Variants in F10 observed in about 807,000 individuals in gnomAD.
F10 encodes coagulation factor X.
In F10, 29 loss-of-function variants were observed where a neutral mutation model predicts 37.1. The observed-to-expected ratio is 0.78, with a 90% confidence interval of 0.58 to 1.07. F10 has a LOEUF of 1.07. Ranked by LOEUF, F10 falls within the 50% of genes least tolerant of loss-of-function variation. The probability of loss-of-function intolerance (pLI) is 0.00; values close to 1 mark genes in which losing one functional copy is unlikely to be tolerated. For missense variants in F10, 539 were observed against 667.9 expected (o/e 0.81, Z 2.13); for synonymous variants, 262 against 268.6 (o/e 0.98, Z 0.24).
At chr13:113,124,909 C>T (rs866901816) in intron 1 of F10, among the ~76,000 whole-genome samples, 7 of 152,348 alleles carry the variant, frequency 4.6e-5, no homozygotes, top group Admixed American at 2.0e-4. Flanking sequence ...GGGGTGCCAG[C>T]GGCCTCACAG....
Position 113,149,383 on chromosome 13 carries a change from C to G in F10, c.1333C>G (p.Arg445Gly). ...CGTCAGCTGGGGAGAGGGCTGTGCC[C>G]GTAAGGGGAAGTACGGGATCTACAC... ...GIVSWGEGCA[R>G]KGKYGIYTKV... Residue 445 changes from arginine to glycine, a missense_variant, in exon 8 of 8, where the codon CGT becomes GGT. Around this residue, in one of 2 missense-constraint regions of F10, gnomAD observed 409 missense variants for 547.9 expected, o/e 0.75. Coordinates refer to ENST00000375559, the MANE Select transcript of F10 (RefSeq NM_000504.4). The surrounding 1 kb of genome is among the most constrained non-coding windows in gnomAD (Gnocchi z 7.5). 6.9e-6 allele frequency: 10 copies of G among 1,453,980 alleles called. No homozygotes were observed. Among genetic ancestry groups the G allele is most frequent in the Non-Finnish European group, 4.6e-6 (5 of 1,094,832 alleles). The allele number at this position is 1,453,980 out of a possible 1,614,324, so 90.1% of individuals were successfully genotyped here.
chr13:113,145,933 C>G (rs1030869638), intron 6 of F10, among the ~76,000 whole-genome samples: 14 of 152,174 alleles, frequency 9.2e-5, no homozygotes, highest in African/African-American at 3.4e-4. Context: ...AACCTTGTTG[C>G]TGGGCATCCT....
Position 113,143,699 on chromosome 13 carries a change from A to AAGGTGACTGTGT in F10, c.503-152_503-151insAGGTGACTGTGT. 1 of 1,203,580 alleles carries AAGGTGACTGTGT rather than the reference A, an allele frequency of 8.3e-7. No homozygotes were observed. Among genetic ancestry groups the AAGGTGACTGTGT allele is most frequent in the Non-Finnish European group, 1.2e-6 (1 of 856,670 alleles). The allele number at this position is 1,203,580 out of a possible 1,614,324, so 74.6% of individuals were successfully genotyped here. A position where few individuals can be genotyped will look rare whatever the true frequency, so the allele number is the denominator to read the frequency against. On this transcript the variant is annotated intron_variant, in intron 5 of 7. Coordinates refer to ENST00000375559, the MANE Select transcript of F10 (RefSeq NM_000504.4). This position sits in a 1 kb window ranked among gnomAD's most constrained non-coding sequence, Gnocchi z 6.8. ...CCTGCAGATCCGACCCCTGCCGACG[A>AAGGTGACTGTGT]CGTGGGGCCTCGCCCTGCAAGCCCG...
Position 113,140,705 on chromosome 13 carries a change from G to A in F10, c.371-214G>A, listed in dbSNP as rs2036519466. ...GTGAGGGGCAGGTACCTGGAGCCTG[G>A]CTTCTGGCTACACCGGGCACTGCAC... On this transcript the variant is annotated intron_variant, in intron 4 of 7. Transcript: ENST00000375559. The A allele has an allele frequency of 5.5e-6, 4 of 728,264 alleles. No homozygotes were observed. In the Admixed American group the frequency reaches 8.0e-5, roughly 15 times the overall value. The allele number at this position is 728,264 out of a possible 1,614,324, so 45.1% of individuals were successfully genotyped here.
intron 6 of F10, among the ~76,000 whole-genome samples, chr13:113,147,072 G>T (rs530205876): frequency 6.6e-6 from 1 of 152,204 alleles, no homozygotes; most frequent in Non-Finnish European, 1.5e-5. Context: ...CCACAGAGAC[G>T]GGAAAGGCTG....
chr13:113,137,902 A>G (rs2036493929), intron 2 of F10, among the ~76,000 whole-genome samples: 2 of 152,188 alleles, frequency 1.3e-5, no homozygotes, highest in Admixed American at 6.5e-5. Context: ...CCGATTTCCA[A>G]TTAAGGTTCT....
chr13:113,126,584 G>A (rs1165129329), intron 1 of F10, among the ~76,000 whole-genome samples: 2 of 152,186 alleles, frequency 1.3e-5, no homozygotes, highest in Non-Finnish European at 2.9e-5. Flanking sequence ...AACCATCACT[G>A]TGGCTCTAGG....
chr13:113,134,923 G>C (rs2036464824), intron 2 of F10, among the ~76,000 whole-genome samples: 1 of 152,092 alleles, frequency 6.6e-6, no homozygotes, highest in Admixed American at 6.6e-5. Context: ...AGTGTTCATG[G>C]ATTGAAAGAC....
At position 113,140,736 on chromosome 13, in the gene F10, G is replaced by A. The variant is rs533906332; in HGVS notation, c.371-183G>A. The A allele has an allele frequency of 4.6e-5, 39 of 852,816 alleles. No individual in the cohort carries two copies. The Admixed American group carries it at 5.4e-4, about 12-fold the overall frequency. The allele number at this position is 852,816 out of a possible 1,614,324, so 52.8% of individuals were successfully genotyped here. Reference sequence around the variant, plus strand: ...GGCTACACCGGGCACTGCACCATGAGCTCCCCGTGACCCGTGAGGTTGCCC... The same window carrying A: ...GGCTACACCGGGCACTGCACCATGAACTCCCCGTGACCCGTGAGGTTGCCC... On this transcript the variant is annotated intron_variant, in intron 4 of 7. Transcript: ENST00000375559.
chr13:113,134,999 G>C (rs1247534569), intron 2 of F10, among the ~76,000 whole-genome samples: 2 of 152,066 alleles, frequency 1.3e-5, no homozygotes, highest in Admixed American at 1.3e-4. Flanking sequence ...CCAGCACTTT[G>C]GGAGACCGAG....
At chr13:113,127,678 A>G (rs2036383355) in intron 1 of F10, among the ~76,000 whole-genome samples, 1 of 152,248 alleles carries the variant, frequency 6.6e-6, no homozygotes, top group Non-Finnish European at 1.5e-5. Context: ...AATCAAATAG[A>G]AAACTTTGTA....
At chr13:113,145,798 T>C (rs1386446685) in intron 6 of F10, among the ~76,000 whole-genome samples, 2 of 152,216 alleles carry the variant, frequency 1.3e-5, no homozygotes, top group Non-Finnish European at 2.9e-5. Flanking sequence ...ACTTATTCAC[T>C]TCCACCAGAA....
At position 113,144,400 on chromosome 13, in the gene F10, C is replaced by G. The variant is rs1213232144; in HGVS notation, c.747+305C>G. Among the ~76,000 whole-genome samples, 1 of 152,242 alleles carries G rather than the reference C, an allele frequency of 6.6e-6. No homozygotes were observed. Among genetic ancestry groups the G allele is most frequent in the African/African-American group, 2.4e-5 (1 of 41,472 alleles). On this transcript the variant is annotated intron_variant, in intron 6 of 7. Transcript: ENST00000375559. This position sits in a 1 kb window ranked among gnomAD's most constrained non-coding sequence, Gnocchi z 6.4. ...GTGGCATGCCCAGGACGATGCTGTC[C>G]TGTGAAACAGAAGAGAGGGAGAAGG...
At position 113,143,701 on chromosome 13, in the gene F10, G is replaced by GATA; in HGVS notation, c.503-150_503-149insATA. The GATA allele has an allele frequency of 1.7e-6, 2 of 1,157,490 alleles. No homozygotes were observed. Among genetic ancestry groups the GATA allele is most frequent in the Admixed American group, 2.4e-5 (1 of 41,148 alleles). The allele number at this position is 1,157,490 out of a possible 1,614,324, so 71.7% of individuals were successfully genotyped here. A position where few individuals can be genotyped will look rare whatever the true frequency, so the allele number is the denominator to read the frequency against. ...TGCAGATCCGACCCCTGCCGACGAC[G>GATA]TGGGGCCTCGCCCTGCAAGCCCGCT... On this transcript the variant is annotated intron_variant, in intron 5 of 7. Transcript: ENST00000375559. This position sits in a 1 kb window ranked among gnomAD's most constrained non-coding sequence, Gnocchi z 6.8.
At position 113,143,944 on chromosome 13, in the gene F10, C is replaced by T. The variant is rs1368140210; in HGVS notation, c.596C>T (p.Thr199Ile). 3 of 1,613,424 alleles carry T rather than the reference C, an allele frequency of 1.9e-6. No individual in the cohort carries two copies. Among genetic ancestry groups the T allele is most frequent in the Non-Finnish European group, 2.5e-6 (3 of 1,180,018 alleles). Residue 199 changes from threonine (T) to isoleucine (I), a missense_variant, in exon 6 of 8, where the codon ACA becomes ATA. By Grantham distance (89) the Thr-to-Ile change is moderately conservative. Transcript: ENST00000375559. This position sits in a 1 kb window ranked among gnomAD's most constrained non-coding sequence, Gnocchi z 6.8. ...SSSGEAPDSI[T>I]WKPYDAADLD... ...AGCGGGGAGGCCCCTGACAGCATCA[C>T]ATGGAAGCCATATGATGCAGCCGAC...
intron 2 of F10, among the ~76,000 whole-genome samples, chr13:113,134,532 C>G (rs1407820868): frequency 6.6e-6 from 1 of 152,184 alleles, no homozygotes; most frequent in Non-Finnish European, 1.5e-5. Context: ...CCCACGAGAA[C>G]AGCATGGAGG....
chr13:113,140,391 C>A (rs2036516683), intron 4 of F10: 1 of 413,730 alleles, frequency 2.4e-6, no homozygotes. Context: ...AATTGATCAT[C>A]TTTAGACTGT....
Position 113,144,188 on chromosome 13 carries a change from C to T in F10, c.747+93C>T. The T allele has an allele frequency of 1.9e-6, 3 of 1,583,108 alleles. No homozygotes were observed. The highest frequency in any genetic ancestry group is 1.1e-5 in the South Asian group (1 of 90,110). On this transcript the variant is annotated intron_variant, in intron 6 of 7. Transcript: ENST00000375559. The surrounding 1 kb of genome is among the most constrained non-coding windows in gnomAD (Gnocchi z 6.4). ...CCAGCCTGACACTTGGAATAGCAAT[C>T]CGGGAAGGAACTGTTCCGAACTAGG...
intron 6 of F10, 100 bp from the exon 7 acceptor site, chr13:113,147,279 A>C: frequency 2.5e-6 from 2 of 800,254 alleles, no homozygotes; most frequent in South Asian, 1.4e-5. Context: ...ACAGCTTGGC[A>C]TGGGGAGGGC....
Sources: gnomAD v4.1 joint callset for allele counts (sites outside exome capture counted in the v4.1 genomes callset) on GRCh38, gnomAD v4.1.1 for gene constraint, gnomAD v4.1.1 regional missense constraint, Gnocchi (gnomAD v3.1) non-coding constraint, MANE v1.5 for transcripts, NCBI Gene and HGNC (gene_info 2026-07-23, HGNC 2026-07-21) for gene names.